PRKDC: variants seen among roughly 807,000 people sequenced by gnomAD.
PRKDC encodes the protein protein kinase, DNA-activated, catalytic subunit, also known as DNA-dependent protein kinase catalytic subunit.
PRKDC carries 82 observed loss-of-function variants against 486.9 expected under a neutral mutation model. The ratio of observed to expected loss-of-function variants is 0.17; its 90% confidence interval spans 0.14 to 0.20. The LOEUF (loss-of-function observed/expected upper bound fraction) is 0.20. Among genes scored for constraint, PRKDC ranks in the 10% least tolerant of loss-of-function variants. The probability of loss-of-function intolerance (pLI) is 1.00; values close to 1 mark genes in which losing one functional copy is unlikely to be tolerated. For synonymous variants in PRKDC, 1,895 were observed against 1,837.0 expected (o/e 1.03, Z -0.81); for missense variants, 4,504 against 5,038.2 (o/e 0.89, Z 3.21).
chr8:47,841,202 G>T (rs994532597), intron 54 of PRKDC, among the ~76,000 whole-genome samples: 1 of 152,182 alleles, frequency 6.6e-6, no homozygotes, highest in African/African-American at 2.4e-5. Context: ...CTGTCAGAGA[G>T]AAGGCACAGG....
chr8:47,824,517 G>A (rs1329420722), intron 63 of PRKDC, among the ~76,000 whole-genome samples: 1 of 148,202 alleles, frequency 6.7e-6, no homozygotes, highest in Non-Finnish European at 1.5e-5. Context: ...AATATCAAAG[G>A]TTCACAGTGT....
In PRKDC at chr8:47,858,550, A is replaced by C. The variant is rs543161056; in HGVS notation, c.6431T>G (p.Leu2144Arg). ...ATTAATAACAAGCTTGGCTAAGAAG[A>C]GACGGATATTTAATGGTACTATTGG... Reference protein sequence around the residue: ...GNPIVPLNIRLFLAKLVINTE... With the variant: ...GNPIVPLNIRRFLAKLVINTE... The change falls in exon 48 of 86, where the codon CTC becomes CGC. Residue 2144 changes from leucine (L) to arginine (R), a missense_variant. Physicochemically the swap from Leu to Arg is moderately radical, Grantham distance 102 (BLOSUM62 -2). Transcript: ENST00000314191. The C allele has an allele frequency of 6.5e-7, 1 of 1,541,486 alleles. No homozygotes were observed. The highest frequency in any genetic ancestry group is 1.4e-5 in the African/African-American group (1 of 73,092).
chr8:47,943,471 G>T lies in PRKDC; in HGVS notation c.809-105C>A, dbSNP rs934813380. The T allele has an allele frequency of 5.0e-6, 6 of 1,190,644 alleles. No individual in the cohort carries two copies. In the East Asian group the frequency reaches 1.3e-4, roughly 26 times the overall value. The allele number at this position is 1,190,644 out of a possible 1,614,324, so 73.8% of individuals were successfully genotyped here. ...TCAAAGTCAACACTGTGCTCAGGAA[G>T]ATCTAGTACCATTACACTACAGTAA... On this transcript the variant is annotated intron_variant, in intron 9 of 85. Transcript: ENST00000314191.
chr8:47,877,107 A>G (rs990234575), intron 40 of PRKDC, among the ~76,000 whole-genome samples: 3 of 152,276 alleles, frequency 2.0e-5, no homozygotes, highest in African/African-American at 7.2e-5. Flanking sequence ...AATGAAAGCA[A>G]AAGAATCAGA....
intron 43 of PRKDC, 85 bp from the exon 44 acceptor site, chr8:47,862,212 T>A (rs200840084): frequency 7.2e-7 from 1 of 1,398,342 alleles, no homozygotes; most frequent in Non-Finnish European, 9.8e-7. Context: ...TGCTATGTAA[T>A]AGCTCATGGA....
At chr8:47,827,422 T>C (rs1040944364) in intron 62 of PRKDC, among the ~76,000 whole-genome samples, 4 of 152,302 alleles carry the variant, frequency 2.6e-5, no homozygotes, top group Admixed American at 1.3e-4. Context: ...TTTTATATAA[T>C]CCATACTTTG....
intron 85 of PRKDC, among the ~76,000 whole-genome samples, chr8:47,774,682 C>G (rs2086573080): frequency 6.6e-6 from 1 of 152,094 alleles, no homozygotes; most frequent in African/African-American, 2.4e-5. Context: ...TGCCACTTTC[C>G]CACAGCAGCT....
At position 47,913,892 on chromosome 8, in the gene PRKDC, T is replaced by C. The variant is rs949106306; in HGVS notation, c.2781+9A>G. The C allele has an allele frequency of 1.4e-5, 23 of 1,590,330 alleles. No individual in the cohort carries two copies. The highest frequency in any genetic ancestry group is 1.9e-5 in the Non-Finnish European group (22 of 1,170,406). On this transcript the variant is annotated intron_variant, in intron 24 of 85. Coordinates refer to ENST00000314191, the MANE Select transcript of PRKDC (RefSeq NM_006904.7). ...TCTAAATAATGGGTGAAATGAAAAA[T>C]AGAAGTACTTTAGTTTGTCTGTCAC... is the stretch of plus-strand genomic sequence containing the variant.
Position 47,887,672 on chromosome 8 carries a change from G to A in PRKDC, c.4447C>T (p.Leu1483Phe), listed in dbSNP as rs1413620528. 2 of 1,610,318 alleles carry A rather than the reference G, an allele frequency of 1.2e-6. No individual in the cohort carries two copies. The highest frequency in any genetic ancestry group is 8.5e-7 in the Non-Finnish European group (1 of 1,178,458). The change falls in exon 35 of 86, where the codon CTT becomes TTT. Residue 1483 changes from leucine (L) to phenylalanine (F), a missense_variant. Around this residue, in one of 6 missense-constraint regions of PRKDC, gnomAD observed 1,969 missense variants for 2,068.9 expected, o/e 0.95. Transcript: ENST00000314191. ...ATGCCTTTATAAACCAGGGAAAGAA[G>A]TTCTGTGCCAACAGAATGATGCAAA... ...TDLHHSVGTE[L>F]LSLVYKGIAP...
At chr8:47,891,920 G>A (rs531164338) in intron 31 of PRKDC, among the ~76,000 whole-genome samples, 44 of 152,154 alleles carry the variant, frequency 2.9e-4, no homozygotes, top group African/African-American at 1.0e-3. Flanking sequence ...CCAGGCTGGA[G>A]TGCTCTGGTG....
intron 44 of PRKDC, among the ~76,000 whole-genome samples, chr8:47,861,818 A>T (rs1439658256): frequency 6.6e-6 from 1 of 152,192 alleles, no homozygotes. Flanking sequence ...ATGTCCTAAC[A>T]CTTCCTTTTA....
chr8:47,894,566 T>A (rs1449794319), intron 30 of PRKDC, among the ~76,000 whole-genome samples: 1 of 152,158 alleles, frequency 6.6e-6, no homozygotes, highest in Non-Finnish European at 1.5e-5. Context: ...TACTTCTTCC[T>A]TGGTCTCCAC....
chr8:47,823,641 G>A (rs2087658049), intron 64 of PRKDC, among the ~76,000 whole-genome samples: 1 of 151,928 alleles, frequency 6.6e-6, no homozygotes, highest in Admixed American at 6.6e-5. Flanking sequence ...CAGAAACTGT[G>A]TAAGAGCAGA....
intron 69 of PRKDC, among the ~76,000 whole-genome samples, chr8:47,806,188 G>A (rs1286321217): frequency 6.6e-6 from 1 of 152,148 alleles, no homozygotes; most frequent in Non-Finnish European, 1.5e-5. Context: ...TTGCCCACCA[G>A]TGCTGTTGTC....
At chr8:47,820,293 C>T (rs1427667354) in intron 66 of PRKDC, among the ~76,000 whole-genome samples, 4 of 151,862 alleles carry the variant, frequency 2.6e-5, no homozygotes, top group East Asian at 1.9e-4. Flanking sequence ...CCCAGCTACC[C>T]GGGAGGCTGA....
chr8:47,923,980 A>T (rs2090116057), intron 21 of PRKDC, among the ~76,000 whole-genome samples: 1 of 152,174 alleles, frequency 6.6e-6, no homozygotes, highest in Non-Finnish European at 1.5e-5. Context: ...TACACACCAA[A>T]CAATCAAACA....
chr8:47,902,233 C>T (rs2089698756), intron 27 of PRKDC, among the ~76,000 whole-genome samples: 1 of 152,170 alleles, frequency 6.6e-6, no homozygotes, highest in Admixed American at 6.5e-5. Flanking sequence ...CTTCAAGTCT[C>T]ATCTCCAATA....
At chr8:47,915,452 C>G (rs1256678516) in intron 22 of PRKDC, 34 bp from the exon 23 acceptor site, 7 of 1,234,850 alleles carry the variant, frequency 5.7e-6, no homozygotes, top group Admixed American at 2.6e-5. Flanking sequence ...TATGTGATTA[C>G]AAATGGGTTA....
intron 35 of PRKDC, 149 bp from the exon 36 acceptor site, chr8:47,886,296 G>T (rs1011909926): frequency 1.7e-6 from 1 of 575,744 alleles, no homozygotes; most frequent in Non-Finnish European, 2.9e-6. Flanking sequence ...AGCTGAAATT[G>T]TATATATTTC....
Sources: gnomAD v4.1 joint callset for allele counts (sites outside exome capture counted in the v4.1 genomes callset) on GRCh38, gnomAD v4.1.1 for gene constraint, gnomAD v4.1.1 regional missense constraint, MANE v1.5 for transcripts, NCBI Gene and HGNC (gene_info 2026-07-23, HGNC 2026-07-21) for gene names.